The following FAM53B variants were observed in gnomAD, a reference collection of about 807,000 sequenced individuals.
FAM53B encodes protein FAM53B.
In FAM53B, 12 loss-of-function variants were observed where a neutral mutation model predicts 32.7. The observed-to-expected ratio is 0.37, with a 90% CI of 0.24 to 0.59. FAM53B has a LOEUF of 0.59. Ranked by LOEUF, FAM53B falls within the 20% of genes least tolerant of loss-of-function variation. FAM53B has a pLI of 0.72. For missense variants in FAM53B, 477 were observed against 577.7 expected, an observed-to-expected ratio of 0.83 and a Z score of 1.79; for synonymous variants, 234 against 228.7, an observed-to-expected ratio of 1.02 and a Z score of -0.21.
chr10:124,688,636 T>C (rs1032540207), intron 3 of FAM53B, among the ~76,000 whole-genome samples: 1 of 152,198 alleles, frequency 6.6e-6, no homozygotes, highest in Admixed American at 6.5e-5. Context: ...TGCCTACATA[T>C]GCAGAGACAA....
intron 4 of FAM53B, among the ~76,000 whole-genome samples, chr10:124,668,499 C>G (rs927937989): frequency 4.6e-5 from 7 of 152,280 alleles, no homozygotes; most frequent in Admixed American, 3.3e-4. Flanking sequence ...GGGATACGGG[C>G]AATGCACTTT....
chr10:124,718,224 G>A lies in FAM53B; in HGVS notation c.-174-11337C>T, dbSNP rs561120918. ...GCTCTGTAAGAACTGCTATAGGCAC[G>A]AGAGGCACCAGGTTGCCCATGTGCC... On this transcript the variant is annotated intron_variant, in intron 1 of 4. Coordinates refer to ENST00000337318, the MANE Select transcript of FAM53B (RefSeq NM_014661.4). 1.2e-3 allele frequency among the ~76,000 whole-genome samples: 181 copies of A among 152,174 alleles called. 1 individual carries two copies. Among genetic ancestry groups the A allele is most frequent in the South Asian group, 4.1e-3 (20 of 4,822 alleles).
chr10:124,635,587 A>AACGTGGC (rs1469514508), intron 4 of FAM53B, among the ~76,000 whole-genome samples: 3 of 152,220 alleles, frequency 2.0e-5, no homozygotes, highest in Non-Finnish European at 4.4e-5. Flanking sequence ...AACCACCCTG[A>AACGTGGC]ACGTGGCCCT....
intron 2 of FAM53B, among the ~76,000 whole-genome samples, chr10:124,704,589 T>A (rs1363013502): frequency 6.6e-6 from 1 of 152,158 alleles, no homozygotes; most frequent in African/African-American, 2.4e-5. Context: ...TGCAAAGGCC[T>A]GAGGCAGGCT....
chr10:124,644,132 T>C (rs748270855), intron 4 of FAM53B, among the ~76,000 whole-genome samples: 27 of 152,078 alleles, frequency 1.8e-4, no homozygotes, highest in Non-Finnish European at 3.1e-4. Context: ...CTGCTTATAG[T>C]TGGGGGAAGA....
intron 1 of FAM53B, among the ~76,000 whole-genome samples, chr10:124,711,773 C>G (rs987515145): frequency 3.3e-5 from 5 of 152,128 alleles, no homozygotes; most frequent in Non-Finnish European, 5.9e-5. Context: ...GGGGCTGAGG[C>G]TGGTCACAGT....
chr10:124,657,384 G>A (rs1949600075), intron 4 of FAM53B, among the ~76,000 whole-genome samples: 1 of 151,950 alleles, frequency 6.6e-6, no homozygotes, highest in African/African-American at 2.4e-5. Context: ...TTTAAAATCT[G>A]TATTTGCACC....
intron 4 of FAM53B, among the ~76,000 whole-genome samples, chr10:124,663,359 C>T (rs555874027): frequency 1.8e-4 from 27 of 152,308 alleles, no homozygotes; most frequent in African/African-American, 6.0e-4. Context: ...AGAGACAATG[C>T]GAGCAGGAGA....
intron 4 of FAM53B, among the ~76,000 whole-genome samples, chr10:124,649,748 A>G (rs1949544133): frequency 6.6e-6 from 1 of 152,224 alleles, no homozygotes; most frequent in African/African-American, 2.4e-5. Flanking sequence ...CACACTGGGA[A>G]GTGTGCACTT....
At chr10:124,725,188 C>A (rs1389108453) in intron 1 of FAM53B, among the ~76,000 whole-genome samples, 1 of 152,228 alleles carries the variant, frequency 6.6e-6, no homozygotes, top group Non-Finnish European at 1.5e-5. Context: ...CAGGTTCACT[C>A]TGGACAACTA....
intron 1 of FAM53B, among the ~76,000 whole-genome samples, chr10:124,712,909 G>A (rs992172398): frequency 6.6e-6 from 1 of 152,156 alleles, no homozygotes; most frequent in African/African-American, 2.4e-5. Flanking sequence ...GGTGGCAGGG[G>A]GCCCCTGCCC....
intron 4 of FAM53B, among the ~76,000 whole-genome samples, chr10:124,647,310 T>C (rs1231306257): frequency 6.6e-6 from 1 of 152,190 alleles, no homozygotes; most frequent in Non-Finnish European, 1.5e-5. Context: ...CAAATCTCCC[T>C]GTCTCTGAGG....
At chr10:124,730,977 G>C (rs370487047) in intron 1 of FAM53B, among the ~76,000 whole-genome samples, 25 of 152,288 alleles carry the variant, frequency 1.6e-4, no homozygotes, top group African/African-American at 6.0e-4. Flanking sequence ...ATGTGGCTGT[G>C]TCCCAATAAA....
intron 4 of FAM53B, among the ~76,000 whole-genome samples, chr10:124,660,521 C>G (rs898855380): frequency 5.3e-5 from 8 of 152,380 alleles, no homozygotes; most frequent in African/African-American, 1.9e-4. Context: ...ACAGCCCCCT[C>G]GCCAGCATGC....
intron 1 of FAM53B, chr10:124,713,482 A>G (rs1420931632): frequency 6.6e-6 from 1 of 152,216 alleles, no homozygotes; most frequent in Non-Finnish European, 1.5e-5. Flanking sequence ...CAGCTATCTG[A>G]TATCACTGTG....
At chr10:124,693,578 T>A (rs1949849341) in intron 3 of FAM53B, among the ~76,000 whole-genome samples, 1 of 152,082 alleles carries the variant, frequency 6.6e-6, no homozygotes, top group South Asian at 2.1e-4. Context: ...TAACCTGAGC[T>A]TCCACTAGAC....
At chr10:124,638,698 C>A (rs920981528) in intron 4 of FAM53B, among the ~76,000 whole-genome samples, 1 of 152,190 alleles carries the variant, frequency 6.6e-6, no homozygotes, top group Non-Finnish European at 1.5e-5. Flanking sequence ...CATGCTGGGG[C>A]GGGGGAGGCC....
intron 1 of FAM53B, among the ~76,000 whole-genome samples, chr10:124,741,719 C>G (rs887231793): frequency 3.3e-5 from 5 of 152,130 alleles, no homozygotes; most frequent in African/African-American, 1.2e-4. Flanking sequence ...GAAATAATAC[C>G]AGGACTTCCC....
chr10:124,645,401 T>G (rs1949506096), intron 4 of FAM53B, among the ~76,000 whole-genome samples: 1 of 152,212 alleles, frequency 6.6e-6, no homozygotes, highest in African/African-American at 2.4e-5. Context: ...ATGCAAAATC[T>G]CAGCCCCTGA....
Sources: allele counts gnomAD v4.1 joint callset (sites outside exome capture counted in the v4.1 genomes callset), GRCh38; gene constraint gnomAD v4.1.1; transcripts MANE v1.5; gene names NCBI Gene and HGNC (gene_info 2026-07-23, HGNC 2026-07-21).